Variants in MTUS2 observed in about 807,000 individuals in gnomAD.
The protein encoded by MTUS2 is microtubule associated scaffold protein 2.
A neutral mutation model predicts 114.1 loss-of-function variants in MTUS2; 40 were observed. The ratio of observed to expected loss-of-function variants is 0.35; its 90% CI spans 0.27 to 0.46. MTUS2 has a LOEUF of 0.46. Ranked by LOEUF, MTUS2 falls within the 20% of genes least tolerant of loss-of-function variation. The pLI is 1.00. For synonymous variants in MTUS2, 688 were observed against 672.0 expected, an observed-to-expected ratio of 1.02 and a Z score of -0.37; for missense variants, 1,679 against 1,705.4, an observed-to-expected ratio of 0.98 and a Z score of 0.27.
chr13:28,873,586 C>G (rs996297130), intron 2 of MTUS2, among the ~76,000 whole-genome samples: 12 of 152,192 alleles, frequency 7.9e-5, no homozygotes, highest in African/African-American at 2.7e-4. Flanking sequence ...GTCTTGTATC[C>G]ATTAATCTCT....
intron 5 of MTUS2, among the ~76,000 whole-genome samples, chr13:29,257,141 T>C (rs139503346): frequency 6.6e-6 from 1 of 152,324 alleles, no homozygotes; most frequent in Non-Finnish European, 1.5e-5. Context: ...ATTCTTTCCT[T>C]GCCCTTGGTC....
chr13:29,324,993 G>C (rs1175707977), intron 7 of MTUS2, among the ~76,000 whole-genome samples: 4 of 152,136 alleles, frequency 2.6e-5, no homozygotes, highest in Non-Finnish European at 5.9e-5. Context: ...ATTTACAATT[G>C]AAAACACTTT....
At chr13:29,046,777 G>C (rs773665008) in intron 4 of MTUS2, among the ~76,000 whole-genome samples, 3 of 151,624 alleles carry the variant, frequency 2.0e-5, no homozygotes, top group East Asian at 3.9e-4. Flanking sequence ...GCCTAGGCAC[G>C]CCGCAGTACC....
At chr13:29,471,724 C>A (rs1192197430) in intron 9 of MTUS2, among the ~76,000 whole-genome samples, 2 of 149,238 alleles carry the variant, frequency 1.3e-5, no homozygotes, top group Non-Finnish European at 3.0e-5. Flanking sequence ...ATGCTCCAGC[C>A]TCTGCTCTGC....
intron 1 of MTUS2, among the ~76,000 whole-genome samples, chr13:28,823,271 A>G (rs1267852046): frequency 6.6e-6 from 1 of 152,262 alleles, no homozygotes; most frequent in Non-Finnish European, 1.5e-5. Flanking sequence ...CCTACAGGAA[A>G]CAAATGCAGG....
intron 2 of MTUS2, among the ~76,000 whole-genome samples, chr13:28,958,468 T>C (rs1883173334): frequency 6.6e-6 from 1 of 152,230 alleles, no homozygotes. Flanking sequence ...GCAGCCTAAA[T>C]TGATGTTGGG....
chr13:29,054,499 A>G (rs186075146), intron 4 of MTUS2, among the ~76,000 whole-genome samples: 164 of 152,254 alleles, frequency 1.1e-3, no homozygotes, highest in African/African-American at 3.7e-3. Flanking sequence ...AAATTAGAAT[A>G]GCAGTTGCCA....
At chr13:29,004,791 G>A (rs1885534098) in intron 2 of MTUS2, among the ~76,000 whole-genome samples, 1 of 152,182 alleles carries the variant, frequency 6.6e-6, no homozygotes, top group Admixed American at 6.5e-5. Flanking sequence ...AGGATATGGA[G>A]GTAAACTGGG....
intron 3 of MTUS2, 60 bp from the exon 4 acceptor site, chr13:29,033,825 G>C: frequency 1.2e-6 from 2 of 1,601,544 alleles, no homozygotes; most frequent in Non-Finnish European, 1.7e-6. Context: ...TCGTGGTCCT[G>C]TATAGAACTC....
rs1895796553 is a variant in MTUS2, at chr13:29,219,010, T to G, written c.2645-62694T>G. On this transcript the variant is annotated intron_variant, in intron 5 of 15. Coordinates refer to ENST00000612955, the MANE Select transcript of MTUS2 (RefSeq NM_001033602.4). ...ATTATACTTTAAGTTTTAGGGTACA[T>G]GTGCACATTGTGCAGGTTAGTTACA... 2.0e-5 allele frequency among the ~76,000 whole-genome samples: 3 copies of G among 151,358 alleles called. No homozygotes were observed. The South Asian group carries it at 6.3e-4, about 32-fold the overall frequency.
chr13:29,441,470 C>T (rs769352136), intron 9 of MTUS2, among the ~76,000 whole-genome samples: 1 of 152,236 alleles, frequency 6.6e-6, no homozygotes, highest in Non-Finnish European at 1.5e-5. Context: ...GCAGCATTCA[C>T]AGTGACAGCT....
chr13:28,931,108 C>T (rs933463796), intron 2 of MTUS2, among the ~76,000 whole-genome samples: 1 of 152,136 alleles, frequency 6.6e-6, no homozygotes, highest in African/African-American at 2.4e-5. Context: ...GTTCCCTGGC[C>T]CTGGCCTCAC....
At chr13:29,209,081 A>G (rs1895312418) in intron 5 of MTUS2, among the ~76,000 whole-genome samples, 1 of 152,018 alleles carries the variant, frequency 6.6e-6, no homozygotes, top group South Asian at 2.1e-4. Context: ...GTCTATTAGT[A>G]ATTGTTTTAT....
intron 2 of MTUS2, among the ~76,000 whole-genome samples, chr13:28,929,167 TG>T (rs1220559805): frequency 7.5e-6 from 1 of 134,072 alleles, no homozygotes; most frequent in African/African-American, 2.8e-5. Context: ...TGAGAAGGGG[TG>T]GGGGAAGGGT....
chr13:29,454,428 C>T (rs1878959185), intron 9 of MTUS2, among the ~76,000 whole-genome samples: 1 of 152,188 alleles, frequency 6.6e-6, no homozygotes. Context: ...ATGGTTCTGA[C>T]TTTCAGGGAA....
At chr13:28,966,457 C>A (rs1162787285) in intron 2 of MTUS2, among the ~76,000 whole-genome samples, 1 of 152,100 alleles carries the variant, frequency 6.6e-6, no homozygotes, top group East Asian at 1.9e-4. Flanking sequence ...TGCAATGGGT[C>A]ACACCTCTAA....
In MTUS2 at chr13:29,078,343, A is replaced by G. The variant is rs536966370; in HGVS notation, c.2447-22430A>G. ...AGAGGAGTGTTTTTGTAGAGGACAT[A>G]CAATAACAGACCAAGTTTTCTATCT... On this transcript the variant is annotated intron_variant, in intron 4 of 15. Transcript: ENST00000612955. Among the ~76,000 whole-genome samples the G allele has an allele frequency of 8.2e-4, 125 of 152,334 alleles. 1 individual carries two copies. Among genetic ancestry groups the G allele is most frequent in the Middle Eastern group, 6.8e-3 (2 of 294 alleles).
intron 5 of MTUS2, among the ~76,000 whole-genome samples, chr13:29,135,008 C>G (rs916316770): frequency 1.3e-5 from 2 of 152,162 alleles, no homozygotes; most frequent in Non-Finnish European, 2.9e-5. Flanking sequence ...AACCAAGGTC[C>G]GAAAATATTA....
rs117865417 is a variant in MTUS2, at chr13:28,957,639, G to A, written c.-242-66818G>A. ...GCTCAGGTTAGATGCAAATACTATG[G>A]CATTTTATGTCAGACACTTGAGCAC... On this transcript the variant is annotated intron_variant, in intron 2 of 15. Coordinates refer to ENST00000612955, the MANE Select transcript of MTUS2 (RefSeq NM_001033602.4). Among the ~76,000 whole-genome samples, 16 of 152,280 alleles carry A rather than the reference G, an allele frequency of 1.1e-4. 2 individuals are homozygous for A. The South Asian group carries it at 1.7e-3, about 16-fold the overall frequency.
Sources: allele counts gnomAD v4.1 joint callset (sites outside exome capture counted in the v4.1 genomes callset), GRCh38; gene constraint gnomAD v4.1.1; transcripts MANE v1.5; gene names NCBI Gene and HGNC (gene_info 2026-07-23, HGNC 2026-07-21).